The following ARHGAP30 variants were observed in gnomAD, a reference collection of about 807,000 sequenced individuals.
ARHGAP30 encodes the protein Rho GTPase activating protein 30, also known as rho GTPase-activating protein 30.
Under a neutral mutation model 72.0 loss-of-function variants are expected in ARHGAP30, and 23 were observed. The ratio of observed to expected loss-of-function variants is 0.32; its 90% CI spans 0.23 to 0.45. The LOEUF (loss-of-function observed/expected upper bound fraction) is 0.45, where lower values mean the gene tolerates loss of function less well. ARHGAP30 is among the 20% of genes least tolerant of loss of function. The probability of loss-of-function intolerance (pLI) is 1.00; values close to 1 mark genes in which losing one functional copy is unlikely to be tolerated. For missense variants in ARHGAP30, 1,319 were observed against 1,383.4 expected (o/e 0.95, Z 0.74); for synonymous variants, 576 against 528.2 (o/e 1.09, Z -1.24).
chr1:161,056,374 G>A lies in ARHGAP30; in HGVS notation c.345+14C>T, dbSNP rs1651878668. 11 of 1,612,364 alleles carry A rather than the reference G, an allele frequency of 6.8e-6. No individual in the cohort carries two copies. The highest frequency in any genetic ancestry group is 9.3e-6 in the Non-Finnish European group (11 of 1,179,356). On this transcript the variant is annotated intron_variant, in intron 3 of 11. Coordinates refer to ENST00000368013, the MANE Select transcript of ARHGAP30 (RefSeq NM_001025598.2). ...CCTGAGCCCTGTCTTCCACCCCTCG[G>A]CCTCTCAACTCACAGCAAACTTGTC...
chr1:161,068,501 G>A (rs1179722629), intron 1 of ARHGAP30, among the ~76,000 whole-genome samples: 3 of 152,022 alleles, frequency 2.0e-5, no homozygotes, highest in East Asian at 1.9e-4. Context: ...CCCTCCCTCC[G>A]CTGCAAGCAC....
intron 2 of ARHGAP30, among the ~76,000 whole-genome samples, chr1:161,058,936 A>G (rs1400360464): frequency 6.6e-6 from 1 of 152,172 alleles, no homozygotes; most frequent in Non-Finnish European, 1.5e-5. Context: ...TCTAAAGTAA[A>G]TATACCATGT....
rs1475250565 is a variant in ARHGAP30 at position 161,069,865 on chromosome 1, T to G, written c.-241A>C. The G allele has an allele frequency of 1.8e-6, 1 of 558,324 alleles. No homozygotes were observed. Among genetic ancestry groups the G allele is most frequent in the East Asian group, 3.0e-5 (1 of 33,716 alleles). The allele number at this position is 558,324 out of a possible 1,614,324, so 34.6% of individuals were successfully genotyped here. ...AGGACCCTGGCAAGAAATTGTGTCC[T>G]GTGTCTCGTGGCCCAGCCTGGCACT... On this transcript the variant is annotated 5_prime_UTR_variant, in exon 1 of 12. Coordinates refer to ENST00000368013, the MANE Select transcript of ARHGAP30 (RefSeq NM_001025598.2). This position sits in a 1 kb window ranked among gnomAD's most constrained non-coding sequence, Gnocchi z 4.9.
At chr1:161,065,868 CTTATTTATTTATTTATTTAT>C (rs376275626) in intron 1 of ARHGAP30, among the ~76,000 whole-genome samples, 9 of 133,250 alleles carry the variant, frequency 6.8e-5, no homozygotes, top group African/African-American at 2.6e-4. Flanking sequence ...CACCCGGCCC[CTTATTTATTTATTTATTTAT>C]TTATTTATTT....
At chr1:161,064,792 A>T (rs1652587129) in intron 1 of ARHGAP30, among the ~76,000 whole-genome samples, 1 of 68,174 alleles carries the variant, frequency 1.5e-5, no homozygotes, top group Admixed American at 1.4e-4. Flanking sequence ...AGAAAGAAAG[A>T]AAGAAAGAAA....
At chr1:161,055,210 A>G (rs1651732070) in intron 3 of ARHGAP30, among the ~76,000 whole-genome samples, 1 of 152,254 alleles carries the variant, frequency 6.6e-6, no homozygotes, top group African/African-American at 2.4e-5. Flanking sequence ...AAAGATGTTC[A>G]GGCTGGGCAC....
At chr1:161,062,082 G>A (rs1033819374) in intron 1 of ARHGAP30, among the ~76,000 whole-genome samples, 4 of 151,772 alleles carry the variant, frequency 2.6e-5, no homozygotes, top group Non-Finnish European at 5.9e-5. Flanking sequence ...AGCAAGACTC[G>A]GTCTTTAAAA....
intron 3 of ARHGAP30, among the ~76,000 whole-genome samples, chr1:161,055,910 TAAA>T (rs1209972280): frequency 7.9e-5 from 2 of 25,204 alleles, no homozygotes; most frequent in Non-Finnish European, 2.0e-4. Context: ...TAAAATAAAA[TAAA>T]ATAAAATAAA....
Position 161,051,563 on chromosome 1 carries a change from C to A in ARHGAP30, c.1171G>T (p.Ala391Ser), listed in dbSNP as rs778267746. ...CCAGCCCGGATGGCTGACCGCCCAG[C>A]TCGTGGTGTGCCTGGTTCAGAGTTT... is the stretch of plus-strand genomic sequence containing the variant. Reference protein sequence around the residue: ...GTNSEPGTPRAGRSAIRAGGS... With the variant: ...GTNSEPGTPRSGRSAIRAGGS... The change falls in exon 10 of 12, where the codon GCT (alanine) becomes TCT (serine). Residue 391 changes from alanine to serine, a missense_variant. Physicochemically the swap from Ala to Ser is moderately conservative, Grantham distance 99. Coordinates refer to ENST00000368013, the MANE Select transcript of ARHGAP30 (RefSeq NM_001025598.2). The A allele has an allele frequency of 6.2e-7, 1 of 1,614,094 alleles. No individual in the cohort carries two copies. Among genetic ancestry groups the A allele is most frequent in the Non-Finnish European group, 8.5e-7 (1 of 1,180,048 alleles).
chr1:161,063,678 G>A (rs973920161), intron 1 of ARHGAP30, among the ~76,000 whole-genome samples: 8 of 152,212 alleles, frequency 5.3e-5, no homozygotes, highest in Non-Finnish European at 1.0e-4. Context: ...CCGGTGAACC[G>A]GGCAGAACAG....
In ARHGAP30 at chr1:161,048,959, C is replaced by A; in HGVS notation, c.2062G>T (p.Ala688Ser). 1.2e-6 allele frequency: 2 copies of A among 1,613,934 alleles called. No homozygotes were observed. Among genetic ancestry groups the A allele is most frequent in the Non-Finnish European group, 1.7e-6 (2 of 1,180,036 alleles). ...CCAGCCTCCCCTCTATCCTCACTGGCCTTTCCAGCCTCCACCTTGGTCTCT... is the reference window on the plus strand; with the variant it reads ...CCAGCCTCCCCTCTATCCTCACTGGACTTTCCAGCCTCCACCTTGGTCTCT... The part of the protein sequence containing the change: ...SPETKVEAGK[A>S]SEDRGEAGGS... Residue 688 changes from alanine (A) to serine (S), a missense_variant, in exon 12 of 12, where the codon GCC becomes TCC. Around this residue, in one of 2 missense-constraint regions of ARHGAP30, gnomAD observed 1,097 missense variants for 1,045.2 expected, o/e 1.05. Transcript: ENST00000368013.
chr1:161,057,124 T>A (rs1469861268), intron 2 of ARHGAP30, among the ~76,000 whole-genome samples: 1 of 152,108 alleles, frequency 6.6e-6, no homozygotes, highest in Non-Finnish European at 1.5e-5. Context: ...TAAAGAACTC[T>A]TGTAATTCAA....
At position 161,051,566 on chromosome 1, in the gene ARHGAP30, G is replaced by A. The variant is rs757870984; in HGVS notation, c.1168C>T (p.Arg390Ter). The A allele has an allele frequency of 2.5e-6, 4 of 1,614,066 alleles. No homozygotes were observed. The highest frequency in any genetic ancestry group is 2.2e-5 in the South Asian group (2 of 91,090). The part of the protein sequence containing the change: ...GGTNSEPGTP[R>*]AGRSAIRAGG... Reference sequence around the variant, plus strand: ...GCCCGGATGGCTGACCGCCCAGCTCGTGGTGTGCCTGGTTCAGAGTTTGTG... The same window carrying A: ...GCCCGGATGGCTGACCGCCCAGCTCATGGTGTGCCTGGTTCAGAGTTTGTG... Residue 390 changes from arginine (R) to a stop codon, truncating the protein, a stop_gained, in exon 10 of 12, where the codon CGA becomes TGA. Coordinates refer to ENST00000368013, the MANE Select transcript of ARHGAP30 (RefSeq NM_001025598.2). LOFTEE classifies it high-confidence loss of function.
chr1:161,065,368 C>G (rs1220525855), intron 1 of ARHGAP30, among the ~76,000 whole-genome samples: 1 of 152,132 alleles, frequency 6.6e-6, no homozygotes, highest in Non-Finnish European at 1.5e-5. Context: ...GCTGATCTTT[C>G]TCTTCCTCTT....
chr1:161,069,489 T>G lies in ARHGAP30; in HGVS notation c.97+39A>C. The G allele has an allele frequency of 1.2e-5, 19 of 1,543,680 alleles. No homozygotes were observed. Among genetic ancestry groups the G allele is most frequent in the Non-Finnish European group, 1.6e-5 (18 of 1,125,362 alleles). The stretch of plus-strand genomic sequence containing the variant: ...GATCGGGCTGCAGATGCCCAGTGCC[T>G]CCCCACCCACCCTGCAGAAGCTGAG... On this transcript the variant is annotated intron_variant, in intron 1 of 11. Transcript: ENST00000368013. The surrounding 1 kb of genome is among the most constrained non-coding windows in gnomAD (Gnocchi z 4.9).
intron 1 of ARHGAP30, among the ~76,000 whole-genome samples, chr1:161,064,009 T>C (rs1652507388): frequency 6.6e-6 from 1 of 152,238 alleles, no homozygotes; most frequent in Non-Finnish European, 1.5e-5. Flanking sequence ...CAATTTTAAT[T>C]TCGCTTTGGT....
In ARHGAP30 at chr1:161,059,611, C is replaced by G; in HGVS notation, c.200+3G>C. On this transcript the variant is annotated splice_donor_region_variant and intron_variant, in intron 2 of 11. Transcript: ENST00000368013. The stretch of plus-strand genomic sequence containing the variant: ...CAGAGCCCTCCCACTCTGTTTGACT[C>G]ACCGAAGCTTCTGGATGTTGGAGGA... 6.2e-7 allele frequency: 1 copy of G among 1,611,360 alleles called. No individual in the cohort carries two copies. The highest frequency in any genetic ancestry group is 8.5e-7 in the Non-Finnish European group (1 of 1,178,410).
chr1:161,048,967 G>A lies in ARHGAP30; in HGVS notation c.2054C>T (p.Ala685Val). 6 of 1,613,434 alleles carry A rather than the reference G, an allele frequency of 3.7e-6. No individual in the cohort carries two copies. Among genetic ancestry groups the A allele is most frequent in the Non-Finnish European group, 5.1e-6 (6 of 1,179,940 alleles). The change falls in exon 12 of 12, where the codon GCT becomes GTT. Residue 685 changes from alanine (A) to valine (V), a missense_variant. This residue lies in a region of ARHGAP30 where 1,097 missense variants were observed against 1,045.2 expected (regional missense o/e 1.05). Transcript: ENST00000368013. Reference protein sequence around the residue: ...AEGSPETKVEAGKASEDRGEA... With the variant: ...AEGSPETKVEVGKASEDRGEA... The stretch of plus-strand genomic sequence containing the variant: ...CCCTCTATCCTCACTGGCCTTTCCA[G>A]CCTCCACCTTGGTCTCTGGACTTCC...
At position 161,058,182 on chromosome 1, in the gene ARHGAP30, T is replaced by C. The variant is rs1652027654; in HGVS notation, c.200+1432A>G. ...AAAAAATTAACCGGGAGTGGTGACA[T>C]GTGCCTGTAATCCCAGCTACTCGGG... is the stretch of plus-strand genomic sequence containing the variant. On this transcript the variant is annotated intron_variant, in intron 2 of 11. Transcript: ENST00000368013. Among the ~76,000 whole-genome samples, 2 of 148,918 alleles carry C rather than the reference T, an allele frequency of 1.3e-5. 1 individual carries two copies. Among genetic ancestry groups the C allele is most frequent in the Admixed American group, 1.3e-4 (2 of 14,968 alleles).
Sources: allele counts gnomAD v4.1 joint callset (sites outside exome capture counted in the v4.1 genomes callset), GRCh38; gene constraint gnomAD v4.1.1; regional missense constraint gnomAD v4.1.1; non-coding constraint Gnocchi (gnomAD v3.1); transcripts MANE v1.5; gene names NCBI Gene and HGNC (gene_info 2026-07-23, HGNC 2026-07-21).